Variants in FHIT observed in about 807,000 individuals in gnomAD.
FHIT encodes bis(5'-adenosyl)-triphosphatase.
FHIT carries 19 observed loss-of-function variants against 17.9 expected under a neutral mutation model. The ratio of observed to expected loss-of-function variants is 1.06; its 90% CI spans 0.74 to 1.56. The LOEUF is 1.56. Ranked by LOEUF, FHIT falls within the 40% of genes most tolerant of loss-of-function variation. The pLI, the probability that FHIT is intolerant of heterozygous loss-of-function variation, is 0.00. For synonymous variants in FHIT, 81 were observed against 69.7 expected (o/e 1.16, Z -0.81); for missense variants, 248 against 189.2 (o/e 1.31, Z -1.82).
At chr3:60,316,622 AT>A (rs1709177778) in intron 5 of FHIT, among the ~76,000 whole-genome samples, 1 of 152,190 alleles carries the variant, frequency 6.6e-6, no homozygotes, top group African/African-American at 2.4e-5. Flanking sequence ...AAAGCATGCC[AT>A]TTGCATTGCT....
At chr3:60,534,434 C>T (rs1158908147) in intron 5 of FHIT, among the ~76,000 whole-genome samples, 1 of 20,602 alleles carries the variant, frequency 4.9e-5, no homozygotes, top group Non-Finnish European at 8.5e-5. Flanking sequence ...AGCGAGACTC[C>T]GTCTCAAAAA....
intron 2 of FHIT, among the ~76,000 whole-genome samples, chr3:61,096,453 T>C (rs895298920): frequency 2.0e-5 from 3 of 152,200 alleles, no homozygotes; most frequent in East Asian, 1.9e-4. Flanking sequence ...TTAGGCAAGA[T>C]TGAACCAACT....
intron 4 of FHIT, among the ~76,000 whole-genome samples, chr3:60,559,738 G>A (rs540956461): frequency 1.7e-5 from 2 of 116,160 alleles, no homozygotes; most frequent in South Asian, 6.5e-4. Context: ...AGCTCTAGAA[G>A]ATGAGAAAAA....
intron 4 of FHIT, among the ~76,000 whole-genome samples, chr3:60,592,158 A>AAT (rs1316272991): frequency 6.7e-6 from 1 of 148,198 alleles, no homozygotes; most frequent in Non-Finnish European, 1.5e-5. Context: ...AATTAGGTAG[A>AAT]ATATATATAT....
chr3:60,508,629 A>G (rs1344452523), intron 5 of FHIT, among the ~76,000 whole-genome samples: 1 of 152,200 alleles, frequency 6.6e-6, no homozygotes, highest in East Asian at 1.9e-4. Flanking sequence ...AAAAAAATAG[A>G]TAATACAAAG....
At chr3:60,113,368 C>G (rs931555870) in intron 5 of FHIT, among the ~76,000 whole-genome samples, 1 of 150,402 alleles carries the variant, frequency 6.6e-6, no homozygotes, top group Admixed American at 6.6e-5. Flanking sequence ...TGCTTATGTT[C>G]TTCCCAGTTA....
intron 5 of FHIT, among the ~76,000 whole-genome samples, chr3:60,494,564 C>T (rs149390614): frequency 1.1e-3 from 163 of 152,132 alleles, no homozygotes; most frequent in South Asian, 9.8e-3. Context: ...AGGTCTTATT[C>T]ATGTTTTCTA....
At chr3:59,900,893 C>T (rs766070286) in intron 8 of FHIT, among the ~76,000 whole-genome samples, 8 of 152,282 alleles carry the variant, frequency 5.3e-5, no homozygotes, top group African/African-American at 1.2e-4. Context: ...GGATTACAGA[C>T]GTGAGCCACT....
intron 2 of FHIT, among the ~76,000 whole-genome samples, chr3:61,083,398 G>A (rs2035206100): frequency 6.6e-6 from 1 of 152,142 alleles, no homozygotes; most frequent in African/African-American, 2.4e-5. Context: ...AGACCATCCT[G>A]GCTACCACGG....
intron 4 of FHIT, among the ~76,000 whole-genome samples, chr3:60,604,816 G>C (rs1203360394): frequency 6.6e-6 from 1 of 152,150 alleles, no homozygotes; most frequent in East Asian, 1.9e-4. Context: ...CAAACTGAGA[G>C]AAAGCAAGTT....
chr3:61,101,847 T>G (rs895137529), intron 2 of FHIT, among the ~76,000 whole-genome samples: 1 of 152,072 alleles, frequency 6.6e-6, no homozygotes, highest in African/African-American at 2.4e-5. Context: ...ATGATTTAGC[T>G]CTCTGTTTGT....
intron 4 of FHIT, among the ~76,000 whole-genome samples, chr3:60,641,584 A>G (rs1297471813): frequency 6.6e-6 from 1 of 152,162 alleles, no homozygotes; most frequent in Non-Finnish European, 1.5e-5. Context: ...CCAGGCAGAT[A>G]TATGATGACA....
intron 5 of FHIT, among the ~76,000 whole-genome samples, chr3:60,239,150 A>G (rs963053618): frequency 6.6e-6 from 1 of 152,064 alleles, no homozygotes; most frequent in Non-Finnish European, 1.5e-5. Flanking sequence ...TTTGCCCTTC[A>G]TTTTTTCTTT....
At chr3:60,868,701 T>A (rs1371893360) in intron 3 of FHIT, among the ~76,000 whole-genome samples, 2 of 152,180 alleles carry the variant, frequency 1.3e-5, no homozygotes, top group Non-Finnish European at 2.9e-5. Flanking sequence ...CTAAACTGTT[T>A]CATACCGACA....
At chr3:60,877,572 G>A (rs1425575777) in intron 3 of FHIT, among the ~76,000 whole-genome samples, 1 of 152,112 alleles carries the variant, frequency 6.6e-6, no homozygotes, top group Non-Finnish European at 1.5e-5. Context: ...CTGTATCCCA[G>A]GTAAATGGTG....
chr3:60,118,267 C>G (rs1267340460), intron 5 of FHIT, among the ~76,000 whole-genome samples: 1 of 151,538 alleles, frequency 6.6e-6, no homozygotes, highest in African/African-American at 2.4e-5. Context: ...CCACCATATC[C>G]AGCTCATTTT....
intron 2 of FHIT, among the ~76,000 whole-genome samples, chr3:61,089,443 G>C (rs918542507): frequency 4.6e-5 from 7 of 152,082 alleles, no homozygotes; most frequent in African/African-American, 7.2e-5. Flanking sequence ...AATCTCTATG[G>C]ATTTGCCCAT....
At chr3:61,089,745 A>T (rs990047080) in intron 2 of FHIT, among the ~76,000 whole-genome samples, 1 of 152,184 alleles carries the variant, frequency 6.6e-6, no homozygotes, top group East Asian at 1.9e-4. Flanking sequence ...GTTTTATTCT[A>T]TTCAGCCCCA....
intron 4 of FHIT, among the ~76,000 whole-genome samples, chr3:60,615,723 ACTTGTAATC>A (rs1382289125): frequency 6.6e-6 from 1 of 152,236 alleles, no homozygotes; most frequent in East Asian, 1.9e-4. Context: ...CCTTTAAGAA[ACTTGTAATC>A]CAGTAGGAGA....
Sources: gnomAD v4.1 joint callset for allele counts (sites outside exome capture counted in the v4.1 genomes callset) on GRCh38, gnomAD v4.1.1 for gene constraint, MANE v1.5 for transcripts, NCBI Gene and HGNC (gene_info 2026-07-23, HGNC 2026-07-21) for gene names.